NKAIN3: variants seen among roughly 807,000 people sequenced by gnomAD.
NKAIN3 encodes sodium/potassium-transporting ATPase subunit beta-1-interacting protein 3.
A neutral mutation model predicts 30.2 loss-of-function variants in NKAIN3; 25 were observed. The observed-to-expected ratio is 0.83, with a 90% CI of 0.60 to 1.16. The LOEUF (loss-of-function observed/expected upper bound fraction) is 1.16. Among genes scored for constraint, NKAIN3 ranks in the 50% most tolerant of loss-of-function variants. The pLI, the probability that NKAIN3 is intolerant of heterozygous loss-of-function variation, is 0.00. For missense variants in NKAIN3, 225 were observed against 254.1 expected (o/e 0.89, Z 0.78); for synonymous variants, 91 against 89.6 (o/e 1.02, Z -0.09).
chr8:62,677,382 T>C (rs1249708696), intron 3 of NKAIN3, among the ~76,000 whole-genome samples: 4 of 152,182 alleles, frequency 2.6e-5, no homozygotes, highest in Non-Finnish European at 4.4e-5. Flanking sequence ...CACTCTCTTA[T>C]AGAGTATTGG....
At chr8:62,863,652 T>C (rs981028867) in intron 4 of NKAIN3, 7 of 1,330,944 alleles carry the variant, frequency 5.3e-6, no homozygotes, top group Non-Finnish European at 7.6e-6. Context: ...CTGGGATAAC[T>C]TTCTCGAACA....
chr8:62,658,529 T>C lies in NKAIN3; in HGVS notation c.273+68735T>C, dbSNP rs192239094. On this transcript the variant is annotated intron_variant, in intron 3 of 6. Coordinates refer to ENST00000623646, the MANE Select transcript of NKAIN3 (RefSeq NM_001304533.3). Reference sequence around the variant, plus strand: ...TATACCCATTCATATATTATGATGGTTCACTTTTGAATAAATGAATATATC... The same window carrying C: ...TATACCCATTCATATATTATGATGGCTCACTTTTGAATAAATGAATATATC... Among the ~76,000 whole-genome samples the C allele has an allele frequency of 3.9e-5, 6 of 152,306 alleles. No individual in the cohort carries two copies. In the East Asian group the frequency reaches 1.2e-3, roughly 29 times the overall value.
chr8:62,571,139 ATTTT>A (rs34068438), intron 1 of NKAIN3, among the ~76,000 whole-genome samples: 1 of 142,410 alleles, frequency 7.0e-6, no homozygotes. Context: ...AAATAGGCTT[ATTTT>A]TTTTTTTTTT....
rs552862670 is a variant in NKAIN3 at position 62,628,794 on chromosome 8, A to G, written c.273+39000A>G. ...GGTTTTAGACAACATCCTATTCAAG[A>G]TGATATTTTTTTACACCCATATATT... On this transcript the variant is annotated intron_variant, in intron 3 of 6. Coordinates refer to ENST00000623646, the MANE Select transcript of NKAIN3 (RefSeq NM_001304533.3). 2.0e-5 allele frequency among the ~76,000 whole-genome samples: 3 copies of G among 152,212 alleles called. No homozygotes were observed. The East Asian group carries it at 5.8e-4, about 29-fold the overall frequency.
chr8:62,922,104 A>C (rs960406119), intron 5 of NKAIN3, among the ~76,000 whole-genome samples: 3 of 152,240 alleles, frequency 2.0e-5, no homozygotes, highest in Admixed American at 1.3e-4. Flanking sequence ...TGAATCCCTC[A>C]GATGTGGGTT....
chr8:62,711,615 A>G (rs1012817200), intron 3 of NKAIN3, among the ~76,000 whole-genome samples: 1 of 152,024 alleles, frequency 6.6e-6, no homozygotes, highest in Non-Finnish European at 1.5e-5. Flanking sequence ...TAAGCTATCT[A>G]TTTCTTTGAA....
At chr8:62,736,082 T>A (rs1319652447) in intron 3 of NKAIN3, among the ~76,000 whole-genome samples, 1 of 152,090 alleles carries the variant, frequency 6.6e-6, no homozygotes, top group African/African-American at 2.4e-5. Context: ...AGACCTTGGT[T>A]TTATTTTTGT....
chr8:62,957,036 T>C (rs910165034), intron 6 of NKAIN3, among the ~76,000 whole-genome samples: 1 of 152,228 alleles, frequency 6.6e-6, no homozygotes, highest in Non-Finnish European at 1.5e-5. Flanking sequence ...AAACTAAGCA[T>C]ACTTTTACCA....
At chr8:62,705,723 C>T (rs1814497396) in intron 3 of NKAIN3, among the ~76,000 whole-genome samples, 1 of 151,992 alleles carries the variant, frequency 6.6e-6, no homozygotes, top group South Asian at 2.1e-4. Context: ...GAATTTTTCG[C>T]TTGTGCACTT....
chr8:62,853,459 A>G (rs1003561366), intron 4 of NKAIN3, among the ~76,000 whole-genome samples: 4 of 152,118 alleles, frequency 2.6e-5, no homozygotes, highest in Non-Finnish European at 4.4e-5. Flanking sequence ...TTTAGAATGT[A>G]TCCATTTCTT....
rs186739600 is a variant in NKAIN3, at chr8:62,531,655, T to A, written c.55-47884T>A. Among the ~76,000 whole-genome samples, 12 of 152,224 alleles carry A rather than the reference T, an allele frequency of 7.9e-5. No homozygotes were observed. In the East Asian group the frequency reaches 2.3e-3, roughly 29 times the overall value. ...CCCCAGCCGACTGTCTGGTGCAGAG[T>A]AGATGGTGCATACATTTTTTCTGAC... On this transcript the variant is annotated intron_variant, in intron 1 of 6. Coordinates refer to ENST00000623646, the MANE Select transcript of NKAIN3 (RefSeq NM_001304533.3).
intron 1 of NKAIN3, among the ~76,000 whole-genome samples, chr8:62,520,192 G>T (rs1808112893): frequency 6.6e-6 from 1 of 152,190 alleles, no homozygotes; most frequent in Non-Finnish European, 1.5e-5. Flanking sequence ...TTCTCAGCAT[G>T]ACCCTGTGGT....
At chr8:62,863,673 A>G (rs1820328143) in intron 4 of NKAIN3, 2 of 1,405,094 alleles carry the variant, frequency 1.4e-6, no homozygotes, top group East Asian at 4.6e-5. Flanking sequence ...CATTTGAGCA[A>G]TTTTATTTCA....
intron 5 of NKAIN3, among the ~76,000 whole-genome samples, chr8:62,934,951 A>AGG (rs1822736683): frequency 6.6e-6 from 1 of 152,140 alleles, no homozygotes; most frequent in African/African-American, 2.4e-5. Context: ...AGCCCTGGAG[A>AGG]GGGGGAAGGA....
intron 3 of NKAIN3, among the ~76,000 whole-genome samples, chr8:62,673,523 T>C (rs1315397450): frequency 1.3e-5 from 2 of 152,162 alleles, no homozygotes; most frequent in African/African-American, 4.8e-5. Flanking sequence ...TTGTCTCTCT[T>C]AGGTGACCTC....
chr8:62,728,564 C>T (rs1215898533), intron 3 of NKAIN3, among the ~76,000 whole-genome samples: 1 of 150,878 alleles, frequency 6.6e-6, no homozygotes, highest in Non-Finnish European at 1.5e-5. Context: ...CTCAGGAGGG[C>T]TGAGGCAGGA....
chr8:62,595,385 T>TC (rs1554551945), intron 3 of NKAIN3, among the ~76,000 whole-genome samples: 7 of 116,088 alleles, frequency 6.0e-5, no homozygotes, highest in South Asian at 3.1e-4. Flanking sequence ...CTATTTTCTT[T>TC]TTTTTTTTTT....
At chr8:62,855,918 C>T (rs547380471) in intron 4 of NKAIN3, 40 of 756,462 alleles carry the variant, frequency 5.3e-5, no homozygotes, top group African/African-American at 1.2e-4. Flanking sequence ...TGTGTATCTG[C>T]GTGATGCTAC....
At chr8:62,688,625 G>C (rs1813865984) in intron 3 of NKAIN3, among the ~76,000 whole-genome samples, 1 of 152,132 alleles carries the variant, frequency 6.6e-6, no homozygotes, top group South Asian at 2.1e-4. Flanking sequence ...AATTACTAAT[G>C]TGAGAAGTTC....
Sources: gnomAD v4.1 joint callset for allele counts (sites outside exome capture counted in the v4.1 genomes callset) on GRCh38, gnomAD v4.1.1 for gene constraint, MANE v1.5 for transcripts, NCBI Gene and HGNC (gene_info 2026-07-23, HGNC 2026-07-21) for gene names.